CD5L: variants seen among roughly 807,000 people sequenced by gnomAD.
The protein encoded by CD5L is CD5 molecule like, also known as CD5 antigen-like.
In CD5L, 39 loss-of-function variants were observed where a neutral mutation model predicts 40.8. That is an observed-to-expected ratio of 0.96 (90% CI 0.74 to 1.25). The LOEUF is 1.25. CD5L is among the 50% of genes most tolerant of loss of function. CD5L has a pLI of 0.00. For missense variants in CD5L, 433 were observed against 435.9 expected (o/e 0.99, Z 0.06); for synonymous variants, 192 against 169.6 (o/e 1.13, Z -1.03).
chr1:157,831,074 C>T lies in CD5L; in HGVS notation c.*890G>A. Reference sequence around the variant, plus strand: ...GCCTCAAGCTTACAGGCCCCAAAGTCTCAGTTGATAAAGTGAAAATGATAT... The same window carrying T: ...GCCTCAAGCTTACAGGCCCCAAAGTTTCAGTTGATAAAGTGAAAATGATAT... On this transcript the variant is annotated 3_prime_UTR_variant, in exon 6 of 6. Coordinates refer to ENST00000368174, the MANE Select transcript of CD5L (RefSeq NM_005894.3). 3.0e-6 allele frequency: 3 copies of T among 985,402 alleles called. No individual in the cohort carries two copies. The highest frequency in any genetic ancestry group is 3.6e-6 in the Non-Finnish European group (3 of 829,932). The allele number at this position is 985,402 out of a possible 1,614,324, so 61.0% of individuals were successfully genotyped here. A position where few individuals can be genotyped will look rare whatever the true frequency, so the allele number is the denominator to read the frequency against.
At chr1:157,832,099 T>C in intron 5 of CD5L, 131 bp from the exon 6 acceptor site, 1 of 645,334 alleles carries the variant, frequency 1.5e-6, no homozygotes, top group Non-Finnish European at 2.5e-6. Flanking sequence ...CATGTACAGA[T>C]CCCACACTGA....
downstream of CD5L, among the ~76,000 whole-genome samples, chr1:157,830,316 C>T (rs573911130): frequency 1.3e-5 from 2 of 152,106 alleles, no homozygotes; most frequent in Non-Finnish European, 2.9e-5. Context: ...CAGAGGACCC[C>T]GTTATTCCAT....
Position 157,835,984 on chromosome 1 carries a change from C to A in CD5L, c.227G>T (p.Gly76Val), listed in dbSNP as rs1437267382. The change falls in exon 3 of 6, where the codon GGT becomes GTT. Residue 76 changes from glycine to valine, a missense_variant. Gly to Val is a moderately radical substitution (Grantham distance 109, BLOSUM62 -3). Coordinates refer to ENST00000368174, the MANE Select transcript of CD5L (RefSeq NM_005894.3). ...GCGAASGTPS[G>V]ILYEPPAEKE... is the part of the protein sequence containing the mutation. Reference sequence around the variant, plus strand: ...TTCTGCTGGTGGCTCATACAAAATACCACTAGGGGTTCCGCTGGCAGCTCC... The same window carrying A: ...TTCTGCTGGTGGCTCATACAAAATAACACTAGGGGTTCCGCTGGCAGCTCC... 3 of 1,614,180 alleles carry A rather than the reference C, an allele frequency of 1.9e-6. No individual in the cohort carries two copies. The highest frequency in any genetic ancestry group is 1.7e-5 in the Admixed American group (1 of 60,020).
downstream of CD5L, among the ~76,000 whole-genome samples, chr1:157,830,199 A>G (rs1358083387): frequency 6.6e-6 from 1 of 152,202 alleles, no homozygotes; most frequent in African/African-American, 2.4e-5. Context: ...CACATTTCAT[A>G]TCTGAATAAT....
At chr1:157,833,809 A>G (rs1339938750) in intron 4 of CD5L, among the ~76,000 whole-genome samples, 1 of 136,294 alleles carries the variant, frequency 7.3e-6, no homozygotes, top group African/African-American at 2.8e-5. Flanking sequence ...AGGGTTTTCC[A>G]TATGTTGCTC....
chr1:157,838,206 A>G (rs1204141768), intron 2 of CD5L, among the ~76,000 whole-genome samples: 1 of 152,250 alleles, frequency 6.6e-6, no homozygotes, highest in Non-Finnish European at 1.5e-5. Flanking sequence ...AGCAATTAAA[A>G]GTTAACCATA....
rs1356392059 is a variant in CD5L at position 157,835,946 on chromosome 1, C to T, written c.265G>A (p.Val89Ile). The T allele has an allele frequency of 4.3e-6, 7 of 1,614,162 alleles. No homozygotes were observed. The highest frequency in any genetic ancestry group is 2.2e-5 in the South Asian group (2 of 91,080). Residue 89 changes from valine to isoleucine, a missense_variant, in exon 3 of 6, where the codon GTC (valine) becomes ATC (isoleucine). Coordinates refer to ENST00000368174, the MANE Select transcript of CD5L (RefSeq NM_005894.3). ...GTGCAACTGACTGATTGGATGAGGA[C>T]CTTTTGCTCTTTTTCTGCTGGTGGC... ...YEPPAEKEQK[V>I]LIQSVSCTGT...
rs199968253 is a variant in CD5L, at chr1:157,833,411, C to T, written c.820G>A (p.Gly274Arg). 47 of 1,614,064 alleles carry T rather than the reference C, an allele frequency of 2.9e-5. No individual in the cohort carries two copies. Among genetic ancestry groups the T allele is most frequent in the East Asian group, 4.5e-5 (2 of 44,870 alleles). ...VWGSVCDDNWGEKEDQVVCKQ... is the reference protein window; with the variant it reads ...VWGSVCDDNWREKEDQVVCKQ... Reference sequence around the variant, plus strand: ...CATACCACCTGGTCCTCCTTTTCTCCCCAGTTGTCATCACAGACAGAGCCC... The same window carrying T: ...CATACCACCTGGTCCTCCTTTTCTCTCCAGTTGTCATCACAGACAGAGCCC... Residue 274 changes from glycine to arginine, a missense_variant, in exon 5 of 6, where the codon GGA becomes AGA. By Grantham distance (125) the Gly-to-Arg change is moderately radical. Transcript: ENST00000368174.
At chr1:157,840,228 T>C (rs1656331995) in intron 1 of CD5L, among the ~76,000 whole-genome samples, 1 of 152,138 alleles carries the variant, frequency 6.6e-6, no homozygotes, top group African/African-American at 2.4e-5. Context: ...AGCACCAGCC[T>C]GTCTTTAAAA....
chr1:157,841,553 G>A (rs964243799), intron 1 of CD5L, 121 bp downstream of exon 1: 1 of 779,652 alleles, frequency 1.3e-6, no homozygotes. Context: ...ATGTAAAAAG[G>A]AGGAAGAAGC....
Position 157,833,312 on chromosome 1 carries a change from G to T in CD5L, c.919C>A (p.Arg307Ser). 4.3e-6 allele frequency: 7 copies of T among 1,614,100 alleles called. No individual in the cohort carries two copies. Among genetic ancestry groups the T allele is most frequent in the Non-Finnish European group, 5.1e-6 (6 of 1,180,020 alleles). The change falls in exon 5 of 6, where the codon CGC becomes AGC. Residue 307 changes from arginine (R) to serine (S), a missense_variant. By Grantham distance (110) the Arg-to-Ser change is moderately radical. Coordinates refer to ENST00000368174, the MANE Select transcript of CD5L (RefSeq NM_005894.3). ...CAACGAACATTATCCAGCCAGATGC[G>T]GCCAACCCCAGGGCCATAGCATTTC... ...DRKCYGPGVG[R>S]IWLDNVRCSG... is the part of the protein sequence containing the mutation.
chr1:157,837,477 T>C (rs1465639697), intron 2 of CD5L, among the ~76,000 whole-genome samples: 4 of 152,186 alleles, frequency 2.6e-5, no homozygotes, highest in African/African-American at 9.6e-5. Context: ...CAGAGCAATA[T>C]AGCAGAGGCT....
chr1:157,836,115 G>A lies in CD5L; in HGVS notation c.96C>T (p.Arg32=), dbSNP rs1656207303. 12 of 1,613,536 alleles carry A rather than the reference G, an allele frequency of 7.4e-6. No individual in the cohort carries two copies. The highest frequency in any genetic ancestry group is 1.0e-5 in the Non-Finnish European group (12 of 1,179,806). ...SGVRLVGGLH[R]CEGRVEVEQK... is the part of the protein sequence containing the mutation. ...GTTCCACCTCCACCCGCCCTTCACAGCGGTGGAGGCCCCCCACCAGCCGCA... is the reference window on the plus strand; with the variant it reads ...GTTCCACCTCCACCCGCCCTTCACAACGGTGGAGGCCCCCCACCAGCCGCA... The change falls in exon 3 of 6, where the codon CGC becomes CGT. Residue 32 remains arginine, a synonymous_variant. Coordinates refer to ENST00000368174, the MANE Select transcript of CD5L (RefSeq NM_005894.3).
chr1:157,833,567 A>G, intron 4 of CD5L, 55 bp from the exon 5 acceptor site: 1 of 1,354,322 alleles, frequency 7.4e-7, no homozygotes, highest in South Asian at 1.3e-5. Flanking sequence ...AAGGAGAAAA[A>G]ATAAGATCAT....
At chr1:157,835,168 TGA>T (rs1481364168) in intron 3 of CD5L, among the ~76,000 whole-genome samples, 1 of 152,222 alleles carries the variant, frequency 6.6e-6, no homozygotes, top group Non-Finnish European at 1.5e-5. Flanking sequence ...AAAATAGGAC[TGA>T]GTCTTCAATG....
downstream of CD5L, among the ~76,000 whole-genome samples, chr1:157,830,270 A>T (rs139646936): frequency 9.6e-3 from 1,458 of 152,342 alleles, 29 homozygotes; most frequent in Middle Eastern, 0.058. Flanking sequence ...GTCAGCAAAT[A>T]GTATCAGTTC....
chr1:157,835,794 A>G (rs371795387), intron 3 of CD5L, 41 bp downstream of exon 3: 2 of 1,527,180 alleles, frequency 1.3e-6, no homozygotes, highest in Non-Finnish European at 8.9e-7. Context: ...CGTGAGGGGT[A>G]TGGCAGCTGG....
At chr1:157,837,416 C>G (rs906823918) in intron 2 of CD5L, among the ~76,000 whole-genome samples, 3 of 152,106 alleles carry the variant, frequency 2.0e-5, no homozygotes, top group Non-Finnish European at 2.9e-5. Context: ...GAGTTCTGCC[C>G]TCAAGAAGCT....
downstream of CD5L, among the ~76,000 whole-genome samples, chr1:157,829,728 T>C (rs1655995433): frequency 6.6e-6 from 1 of 152,204 alleles, no homozygotes; most frequent in Non-Finnish European, 1.5e-5. Flanking sequence ...AAATATATTA[T>C]CTGGGGTTCT....
Sources: allele counts gnomAD v4.1 joint callset (sites outside exome capture counted in the v4.1 genomes callset), GRCh38; gene constraint gnomAD v4.1.1; transcripts MANE v1.5; gene names NCBI Gene and HGNC (gene_info 2026-07-23, HGNC 2026-07-21).